The following IQCK variants were observed in gnomAD, a reference collection of about 807,000 sequenced individuals.
The protein encoded by IQCK is IQ domain-containing protein K.
Under a neutral mutation model 28.1 loss-of-function variants are expected in IQCK, and 29 were observed. That is an observed-to-expected ratio of 1.03 (90% CI 0.77 to 1.41). The LOEUF (loss-of-function observed/expected upper bound fraction) is 1.41. Ranked by LOEUF, IQCK falls within the 40% of genes most tolerant of loss-of-function variation. IQCK has a pLI of 0.00. For missense variants in IQCK, 359 were observed against 314.7 expected (o/e 1.14, Z -1.07); for synonymous variants, 113 against 115.1 (o/e 0.98, Z 0.12).
intron 6 of IQCK, among the ~76,000 whole-genome samples, chr16:19,774,359 G>T (rs1404439622): frequency 1.4e-5 from 2 of 147,598 alleles, no homozygotes; most frequent in Non-Finnish European, 3.0e-5. Flanking sequence ...TACCAAGCAG[G>T]TATGTTCCAG....
At chr16:19,771,923 G>A (rs2055326160) in intron 6 of IQCK, among the ~76,000 whole-genome samples, 1 of 152,108 alleles carries the variant, frequency 6.6e-6, no homozygotes, top group Non-Finnish European at 1.5e-5. Context: ...AAACCGACAG[G>A]GAATCAACGA....
chr16:19,841,048 C>T (rs1049878996), intron 9 of IQCK, among the ~76,000 whole-genome samples: 2 of 152,234 alleles, frequency 1.3e-5, no homozygotes, highest in African/African-American at 4.8e-5. Context: ...AGGATGTGAA[C>T]AGCTAAAGCG....
intron 7 of IQCK, among the ~76,000 whole-genome samples, chr16:19,820,639 ACT>A (rs1597588162): frequency 1.4e-5 from 2 of 144,526 alleles, no homozygotes; most frequent in Admixed American, 7.0e-5. Context: ...CCAGAGGGAA[ACT>A]CTGTATCAAA....
At chr16:19,818,658 G>T (rs1212387232) in intron 7 of IQCK, among the ~76,000 whole-genome samples, 1 of 152,122 alleles carries the variant, frequency 6.6e-6, no homozygotes, top group Admixed American at 6.6e-5. Context: ...CTCCCAAAGT[G>T]CTGGGATTAC....
chr16:19,827,621 G>T (rs769646577), downstream of IQCK, among the ~76,000 whole-genome samples: 1 of 148,142 alleles, frequency 6.8e-6, no homozygotes, highest in Admixed American at 6.6e-5. Flanking sequence ...GGTGTTTCCA[G>T]AGAGATTAGC....
exon 10 of IQCK, chr16:19,856,624 T>A (rs1158914255): frequency 1.7e-6 from 2 of 1,172,824 alleles, no homozygotes; most frequent in African/African-American, 3.0e-5. Flanking sequence ...TGATGCTCTC[T>A]CTCTTGTGAT....
intron 6 of IQCK, among the ~76,000 whole-genome samples, chr16:19,785,301 G>A (rs1214081030): frequency 2.0e-5 from 3 of 152,144 alleles, no homozygotes; most frequent in African/African-American, 4.8e-5. Context: ...CTCTGTACAG[G>A]GTGCCCCTGG....
At chr16:19,731,732 G>C (rs1977846554) in intron 2 of IQCK, among the ~76,000 whole-genome samples, 1 of 152,202 alleles carries the variant, frequency 6.6e-6, no homozygotes, top group Non-Finnish European at 1.5e-5. Context: ...ACATATATGA[G>C]AGGGGATTTA....
intron 7 of IQCK, among the ~76,000 whole-genome samples, chr16:19,819,016 A>G (rs1195769251): frequency 6.6e-6 from 1 of 152,176 alleles, no homozygotes; most frequent in Non-Finnish European, 1.5e-5. Flanking sequence ...CGCAATCCCA[A>G]TATTTCTCCC....
At chr16:19,854,425 A>G (rs954761931) in intron 9 of IQCK, among the ~76,000 whole-genome samples, 15 of 149,774 alleles carry the variant, frequency 1.0e-4, no homozygotes, top group Admixed American at 6.6e-4. Flanking sequence ...AGCCTGATCC[A>G]TCAGAATCAC....
intron 2 of IQCK, among the ~76,000 whole-genome samples, chr16:19,730,947 C>T (rs1159779006): frequency 6.6e-6 from 1 of 152,158 alleles, no homozygotes; most frequent in Admixed American, 6.5e-5. Context: ...TGGTCTCATA[C>T]TCCTGACTTC....
chr16:19,736,678 A>C (rs1197746655), intron 4 of IQCK, among the ~76,000 whole-genome samples: 1 of 152,166 alleles, frequency 6.6e-6, no homozygotes, highest in African/African-American at 2.4e-5. Flanking sequence ...TGTGCCAGGC[A>C]CTTTGCTGAG....
At chr16:19,764,103 T>G in exon 6 of IQCK, 1 of 1,611,274 alleles carries the variant, frequency 6.2e-7, no homozygotes, top group Non-Finnish European at 8.5e-7. Context: ...GAGGAGCGGC[T>G]AAAGCAACAG....
intron 9 of IQCK, among the ~76,000 whole-genome samples, chr16:19,840,905 G>A (rs1177798161): frequency 6.6e-6 from 1 of 152,188 alleles, no homozygotes; most frequent in African/African-American, 2.4e-5. Flanking sequence ...AGGGCATGAA[G>A]CACATGCTTC....
chr16:19,733,051 C>G (rs1349378004), intron 2 of IQCK, among the ~76,000 whole-genome samples: 1 of 152,116 alleles, frequency 6.6e-6, no homozygotes, highest in Non-Finnish European at 1.5e-5. Context: ...GTGTTGAGTC[C>G]CTTTGGGATC....
intron 4 of IQCK, among the ~76,000 whole-genome samples, chr16:19,742,972 C>T (rs2054857924): frequency 6.6e-6 from 1 of 152,170 alleles, no homozygotes; most frequent in Non-Finnish European, 1.5e-5. Flanking sequence ...AGTTCAAGGC[C>T]ACCCTGGCCA....
intron 7 of IQCK, among the ~76,000 whole-genome samples, chr16:19,805,052 G>C (rs1206631972): frequency 6.6e-6 from 1 of 152,092 alleles, no homozygotes; most frequent in Non-Finnish European, 1.5e-5. Context: ...GAAGGGGGGT[G>C]GGGGTGCATT....
chr16:19,810,427 G>C (rs1277704665), intron 7 of IQCK, among the ~76,000 whole-genome samples: 1 of 151,788 alleles, frequency 6.6e-6, no homozygotes, highest in Non-Finnish European at 1.5e-5. Flanking sequence ...AACCCAGGAG[G>C]TGGAGCTTGC....
chr16:19,730,859 T>C (rs950806260), intron 2 of IQCK, among the ~76,000 whole-genome samples: 2 of 152,082 alleles, frequency 1.3e-5, no homozygotes, highest in Non-Finnish European at 2.9e-5. Context: ...GCTGCAACCT[T>C]AGTAGCTGGG....
Sources: gnomAD v4.1 joint callset for allele counts (sites outside exome capture counted in the v4.1 genomes callset) on GRCh38, gnomAD v4.1.1 for gene constraint, MANE v1.5 for transcripts, NCBI Gene and HGNC (gene_info 2026-07-23, HGNC 2026-07-21) for gene names.